The following DSCC1 variants were observed in gnomAD, a reference collection of about 807,000 sequenced individuals.
The protein encoded by DSCC1 is sister chromatid cohesion protein DCC1.
In DSCC1, 32 loss-of-function variants were observed where a neutral mutation model predicts 48.2. That is an observed-to-expected ratio of 0.66 (90% CI 0.50 to 0.89). The LOEUF (loss-of-function observed/expected upper bound fraction) is 0.89, where lower values mean the gene tolerates loss of function less well. Among genes scored for constraint, DSCC1 ranks in the 40% least tolerant of loss-of-function variants. The probability of loss-of-function intolerance (pLI) is 0.00; values close to 1 mark genes in which losing one functional copy is unlikely to be tolerated. For missense variants in DSCC1, 421 were observed against 471.7 expected, an observed-to-expected ratio of 0.89 and a Z score of 1.00; for synonymous variants, 150 against 171.5, an observed-to-expected ratio of 0.87 and a Z score of 0.98.
At chr8:119,854,501 A>G (rs923255211) in intron 1 of DSCC1, among the ~76,000 whole-genome samples, 1 of 152,226 alleles carries the variant, frequency 6.6e-6, no homozygotes, top group Non-Finnish European at 1.5e-5. Flanking sequence ...CCTAATGCTA[A>G]TAATGCTTAA....
At chr8:119,853,556 C>T (rs576950161) in intron 1 of DSCC1, among the ~76,000 whole-genome samples, 3 of 152,388 alleles carry the variant, frequency 2.0e-5, no homozygotes, top group Non-Finnish European at 2.9e-5. Flanking sequence ...CAAGCTGTCT[C>T]AATTTTCTAC....
chr8:119,851,365 A>G (rs1297645002), intron 2 of DSCC1, among the ~76,000 whole-genome samples: 3 of 152,224 alleles, frequency 2.0e-5, no homozygotes, highest in African/African-American at 4.8e-5. Context: ...CTTAAGGACC[A>G]AATCTGACAG....
rs192424414 is a variant in DSCC1, at chr8:119,846,972, A to G, written c.577+18T>C. 2.5e-6 allele frequency: 4 copies of G among 1,608,852 alleles called. No individual in the cohort carries two copies. The highest frequency in any genetic ancestry group is 1.3e-5 in the African/African-American group (1 of 74,966). On this transcript the variant is annotated intron_variant, in intron 4 of 8. Transcript: ENST00000313655. ...TGCCCAATTTCATCATTGTTAAAATAGTAGTAAGTAACGCTACCTCCAATC... is the reference window on the plus strand; with the variant it reads ...TGCCCAATTTCATCATTGTTAAAATGGTAGTAAGTAACGCTACCTCCAATC...
Position 119,853,193 on chromosome 8 carries a change from C to G in DSCC1, c.205G>C (p.Asp69His). 1 of 1,610,730 alleles carries G rather than the reference C, an allele frequency of 6.2e-7. No homozygotes were observed. Among genetic ancestry groups the G allele is most frequent in the Non-Finnish European group, 8.5e-7 (1 of 1,177,958 alleles). Reference sequence around the variant, plus strand: ...TTACTGCACAGCACAGCTTGCTCGTCTTTATCACCACGAATCACAAGACTG... The same window carrying G: ...TTACTGCACAGCACAGCTTGCTCGTGTTTATCACCACGAATCACAAGACTG... ...GHSLVIRGDKDEQAVLCSKDK... is the reference protein window; with the variant it reads ...GHSLVIRGDKHEQAVLCSKDK... The change falls in exon 2 of 9, where the codon GAC becomes CAC. Residue 69 changes from aspartate to histidine, a missense_variant. This residue lies in a region of DSCC1 where 174 missense variants were observed against 184.5 expected (regional missense o/e 0.94). Coordinates refer to ENST00000313655, the MANE Select transcript of DSCC1 (RefSeq NM_024094.3).
intron 8 of DSCC1, among the ~76,000 whole-genome samples, chr8:119,836,422 AAGG>A (rs1826684217): frequency 1.3e-5 from 2 of 152,220 alleles, no homozygotes; most frequent in Admixed American, 1.3e-4. Context: ...AAGAAGGAGA[AAGG>A]AGAAGGGGGC....
intron 1 of DSCC1, among the ~76,000 whole-genome samples, chr8:119,853,473 C>T (rs1433456441): frequency 6.6e-6 from 1 of 152,152 alleles, no homozygotes; most frequent in African/African-American, 2.4e-5. Flanking sequence ...GGCCAAGAGG[C>T]CAAATGGCAC....
chr8:119,846,543 A>G (rs958608280), intron 4 of DSCC1, among the ~76,000 whole-genome samples: 6 of 152,324 alleles, frequency 3.9e-5, no homozygotes, highest in African/African-American at 1.4e-4. Flanking sequence ...ATCCTACAAC[A>G]AGAAAGACAA....
chr8:119,855,317 G>GT (rs1276052957), intron 1 of DSCC1, among the ~76,000 whole-genome samples: 1 of 152,220 alleles, frequency 6.6e-6, no homozygotes, highest in Admixed American at 6.5e-5. Context: ...GTCCTGTAGA[G>GT]TCCCTGTAAT....
intron 8 of DSCC1, 112 bp from the exon 9 acceptor site, chr8:119,835,113 G>C (rs114639609): frequency 1.7e-5 from 12 of 705,266 alleles, no homozygotes; most frequent in African/African-American, 7.5e-5. Context: ...CTCAACAAGC[G>C]TAAGTGTAGG....
rs1400028828 is a variant in DSCC1 at position 119,838,345 on chromosome 8, A to T, written c.987T>A (p.Asp329Glu). The change falls in exon 8 of 9, where the codon GAT becomes GAA. Residue 329 changes from aspartate (D) to glutamate (E), a missense_variant. Asp to Glu is a conservative substitution (Grantham distance 45). Coordinates refer to ENST00000313655, the MANE Select transcript of DSCC1 (RefSeq NM_024094.3). The stretch of plus-strand genomic sequence containing the variant: ...AACGTTCCTGATTATCCTCAGGTAA[A>T]TCATCTACTTTCAGCAAAAATATGA... ...PEIIFLLKVD[D>E]LPEDNQERFN... is the part of the protein sequence containing the mutation. The T allele has an allele frequency of 6.2e-7, 1 of 1,610,124 alleles. No individual in the cohort carries two copies. The highest frequency in any genetic ancestry group is 1.3e-5 in the African/African-American group (1 of 74,870).
chr8:119,839,051 G>A (rs907675112), intron 7 of DSCC1: 6 of 152,048 alleles, frequency 3.9e-5, no homozygotes, highest in African/African-American at 1.2e-4. Context: ...GTCTATTTTC[G>A]TTACTGTTGA....
intron 2 of DSCC1, among the ~76,000 whole-genome samples, chr8:119,851,010 C>G (rs6989284): frequency 0.046 from 7,023 of 152,222 alleles, 272 homozygotes; most frequent in South Asian, 0.13. Context: ...AATACAAGAT[C>G]TTTCTAATGT....
chr8:119,847,090 G>T lies in DSCC1; in HGVS notation c.487-10C>A. On this transcript the variant is annotated splice_polypyrimidine_tract_variant and intron_variant, in intron 3 of 8. Coordinates refer to ENST00000313655, the MANE Select transcript of DSCC1 (RefSeq NM_024094.3). ...AATCTTCAGTTGTATACTGCAAAAA[G>T]AAAAAAATATTTTAAGGCCTTTGAA... 6.2e-7 allele frequency: 1 copy of T among 1,606,630 alleles called. No homozygotes were observed. Among genetic ancestry groups the T allele is most frequent in the South Asian group, 1.1e-5 (1 of 90,432 alleles).
intron 5 of DSCC1, among the ~76,000 whole-genome samples, chr8:119,843,117 T>TTA (rs1167993607): frequency 1.4e-5 from 2 of 142,344 alleles, no homozygotes; most frequent in African/African-American, 5.6e-5. Flanking sequence ...TTGTTTTATT[T>TTA]TATTTTTTTT....
chr8:119,848,460 C>T (rs570893779), intron 3 of DSCC1, among the ~76,000 whole-genome samples: 91 of 152,208 alleles, frequency 6.0e-4, no homozygotes, highest in African/African-American at 2.0e-3. Flanking sequence ...GCAAAGAAAC[C>T]GAATGGGCAT....
At position 119,834,321 on chromosome 8, in the gene DSCC1, G is replaced by T. The variant is rs1826632425; in HGVS notation, c.*572C>A. The T allele has an allele frequency of 6.6e-6, 1 of 152,378 alleles. No homozygotes were observed. The highest frequency in any genetic ancestry group is 1.5e-5 in the Non-Finnish European group (1 of 68,222). 9.4% of individuals were successfully genotyped at this position (152,378 alleles called of 1,614,324 possible). On this transcript the variant is annotated 3_prime_UTR_variant, in exon 9 of 9. Transcript: ENST00000313655. ...CCTGTGCCAGTATTCTTCATTATAG[G>T]ATTATAAACTCGTTTTTTTCCCAAA...
chr8:119,848,189 C>T (rs1017976405), intron 3 of DSCC1, among the ~76,000 whole-genome samples: 2 of 152,118 alleles, frequency 1.3e-5, no homozygotes, highest in African/African-American at 4.8e-5. Flanking sequence ...TCTCAAACTC[C>T]TGGACTGAAG....
At chr8:119,846,850 C>T (rs528866172) in intron 4 of DSCC1, 140 bp downstream of exon 4, 8 of 792,254 alleles carry the variant, frequency 1.0e-5, no homozygotes, top group East Asian at 5.5e-5. Context: ...TAAGCCACTG[C>T]GCCCGGCCCA....
chr8:119,844,164 G>A (rs1249869049), intron 4 of DSCC1, among the ~76,000 whole-genome samples: 2 of 152,104 alleles, frequency 1.3e-5, no homozygotes, highest in South Asian at 2.1e-4. Flanking sequence ...TAGGCTGGGC[G>A]TGCTGGCTCA....
Sources: gnomAD v4.1 joint callset for allele counts (sites outside exome capture counted in the v4.1 genomes callset) on GRCh38, gnomAD v4.1.1 for gene constraint, gnomAD v4.1.1 regional missense constraint, MANE v1.5 for transcripts, NCBI Gene and HGNC (gene_info 2026-07-23, HGNC 2026-07-21) for gene names.